The following VWA5A variants were observed in gnomAD, a reference collection of about 807,000 sequenced individuals.
VWA5A encodes the protein von Willebrand factor A domain containing 5A, also known as von Willebrand factor A domain-containing protein 5A.
In VWA5A, 77 loss-of-function variants were observed where a neutral mutation model predicts 84.6. The ratio of observed to expected loss-of-function variants is 0.91; its 90% CI spans 0.76 to 1.10. VWA5A has a LOEUF of 1.10. VWA5A is among the 50% of genes least tolerant of loss of function. The pLI, the probability that VWA5A is intolerant of heterozygous loss-of-function variation, is 0.00. For synonymous variants in VWA5A, 334 were observed against 350.1 expected (o/e 0.95, Z 0.51); for missense variants, 973 against 963.0 (o/e 1.01, Z -0.14).
chr11:124,118,727 C>T lies in VWA5A; in HGVS notation c.645+19C>T, dbSNP rs1864883111. ...TGCTCAGGTAGTTAATGAGAGAATA[C>T]TGCTATTGTCAGTACCTCTGTTGCT... On this transcript the variant is annotated intron_variant, in intron 6 of 18. Transcript: ENST00000456829. 6.2e-7 allele frequency: 1 copy of T among 1,605,764 alleles called. No homozygotes were observed. The highest frequency in any genetic ancestry group is 8.5e-7 in the Non-Finnish European group (1 of 1,175,398).
At chr11:124,129,226 T>C (rs1865062444) in intron 11 of VWA5A, among the ~76,000 whole-genome samples, 1 of 152,230 alleles carries the variant, frequency 6.6e-6, no homozygotes, top group Non-Finnish European at 1.5e-5. Context: ...TTTCTGCATC[T>C]GTTGAGACAA....
At chr11:124,135,073 A>G in intron 12 of VWA5A, 39 bp downstream of exon 12, 1 of 1,565,470 alleles carries the variant, frequency 6.4e-7, no homozygotes, top group Non-Finnish European at 8.7e-7. Context: ...GGAGGTGGCA[A>G]TCCAGACCAA....
chr11:124,129,529 GT>G (rs1865066993), intron 11 of VWA5A, among the ~76,000 whole-genome samples: 1 of 152,030 alleles, frequency 6.6e-6, no homozygotes, highest in Non-Finnish European at 1.5e-5. Flanking sequence ...TTTTTCTTTT[GT>G]TTGGAATAGT....
chr11:124,134,862 AT>A (rs552264067), intron 11 of VWA5A, 57 bp from the exon 12 acceptor site: 1,314 of 1,366,562 alleles, frequency 9.6e-4, no homozygotes, highest in Non-Finnish European at 1.2e-3. Flanking sequence ...TTATGTATTA[AT>A]TTTATATTTT....
rs1452649511 is a variant in VWA5A at position 124,124,303 on chromosome 11, A to G, written c.1231A>G (p.Arg411Gly). 2 of 1,614,106 alleles carry G rather than the reference A, an allele frequency of 1.2e-6. No homozygotes were observed. Among genetic ancestry groups the G allele is most frequent in the Admixed American group, 1.7e-5 (1 of 60,016 alleles). Residue 411 changes from arginine (R) to glycine (G), a missense_variant, in exon 11 of 19, where the codon AGA becomes GGA. Physicochemically the swap from Arg to Gly is moderately radical, Grantham distance 125 (BLOSUM62 -2). Transcript: ENST00000456829. ...FSVIKEVRINRQKHRCFSFGI... is the reference protein window; with the variant it reads ...FSVIKEVRINGQKHRCFSFGI... ...TGTAATTAAAGAAGTTAGGATCAAC[A>G]GACAGAAACACAGGTAGGAAGAAAA...
At chr11:124,143,875 C>A (rs1295807714) in intron 17 of VWA5A, among the ~76,000 whole-genome samples, 1 of 151,750 alleles carries the variant, frequency 6.6e-6, no homozygotes, top group Non-Finnish European at 1.5e-5. Context: ...ATCAAGTGAA[C>A]CAACAGACCT....
rs1330823404 is a variant in VWA5A at position 124,119,035 on chromosome 11, G to A, written c.706G>A (p.Glu236Lys). 3 of 1,614,210 alleles carry A rather than the reference G, an allele frequency of 1.9e-6. No individual in the cohort carries two copies. Among genetic ancestry groups the A allele is most frequent in the East Asian group, 2.2e-5 (1 of 44,878 alleles). ...RDVELLIYYN[E>K]VHTPSVVLEM... is the part of the protein sequence containing the mutation. Reference sequence around the variant, plus strand: ...CGTGGAACTCCTGATTTACTACAATGAGGTGCATACCCCCAGCGTGGTTTT... The same window carrying A: ...CGTGGAACTCCTGATTTACTACAATAAGGTGCATACCCCCAGCGTGGTTTT... Residue 236 changes from glutamate to lysine, a missense_variant, in exon 7 of 19, where the codon GAG (glutamate) becomes AAG (lysine). Transcript: ENST00000456829.
At chr11:124,122,846 T>G in intron 7 of VWA5A, 114 bp from the exon 8 acceptor site, 2 of 1,013,068 alleles carry the variant, frequency 2.0e-6, no homozygotes, top group Admixed American at 4.7e-5. Context: ...ATCATCACAG[T>G]GTTTTAGATT....
chr11:124,142,844 C>T (rs1860756646), intron 17 of VWA5A, among the ~76,000 whole-genome samples: 5 of 152,104 alleles, frequency 3.3e-5, no homozygotes. Context: ...AATCGTATTC[C>T]CTGCCAATCA....
At chr11:124,122,517 G>C (rs1236728497) in intron 7 of VWA5A, among the ~76,000 whole-genome samples, 1 of 152,184 alleles carries the variant, frequency 6.6e-6, no homozygotes, top group African/African-American at 2.4e-5. Context: ...GTCCATGTGA[G>C]TATCACTTTT....
intron 7 of VWA5A, among the ~76,000 whole-genome samples, chr11:124,121,770 A>T (rs1864935793): frequency 6.6e-6 from 1 of 152,222 alleles, no homozygotes; most frequent in South Asian, 2.1e-4. Flanking sequence ...ATCCACATAT[A>T]ACGCTTACAA....
At chr11:124,133,573 G>A (rs1206355163) in intron 11 of VWA5A, among the ~76,000 whole-genome samples, 1 of 152,104 alleles carries the variant, frequency 6.6e-6, no homozygotes, top group Non-Finnish European at 1.5e-5. Context: ...ACAATTTACA[G>A]TGGCATTGCT....
intron 11 of VWA5A, among the ~76,000 whole-genome samples, chr11:124,134,306 A>G (rs1040442789): frequency 2.0e-5 from 3 of 152,254 alleles, no homozygotes; most frequent in Admixed American, 6.5e-5. Flanking sequence ...TTAATTTACA[A>G]TGAAAACTCT....
rs541749735 is a variant in VWA5A at position 124,116,689 on chromosome 11, T to C, written c.-16+9T>C. Reference sequence around the variant, plus strand: ...TGCGTTGCTGTCGAATTGTGAGTCATTTTGCCACACTCAGTTTTTATCCAA... The same window carrying C: ...TGCGTTGCTGTCGAATTGTGAGTCACTTTGCCACACTCAGTTTTTATCCAA... On this transcript the variant is annotated intron_variant, in intron 2 of 18. Coordinates refer to ENST00000456829, the MANE Select transcript of VWA5A (RefSeq NM_001130142.2). The C allele has an allele frequency of 2.6e-5, 4 of 152,358 alleles. No individual in the cohort carries two copies. Among genetic ancestry groups the C allele is most frequent in the East Asian group, 1.9e-4 (1 of 5,188 alleles). 9.4% of individuals were successfully genotyped at this position (152,358 alleles called of 1,614,324 possible).
intron 16 of VWA5A, among the ~76,000 whole-genome samples, chr11:124,141,950 T>C (rs1860738311): frequency 6.6e-6 from 1 of 152,198 alleles, no homozygotes; most frequent in African/African-American, 2.4e-5. Context: ...GGTTCACCCC[T>C]GCAATCTATA....
intron 14 of VWA5A, 43 bp from the exon 15 acceptor site, chr11:124,136,972 T>A: frequency 6.3e-7 from 1 of 1,591,694 alleles, no homozygotes; most frequent in Non-Finnish European, 8.5e-7. Flanking sequence ...GGTATATGGA[T>A]GTCTTTCCCT....
chr11:124,123,837 A>G, intron 10 of VWA5A, 33 bp downstream of exon 10: 3 of 1,530,372 alleles, frequency 2.0e-6, no homozygotes, highest in Non-Finnish European at 2.6e-6. Flanking sequence ...CAGAAGAGAC[A>G]GGAAGTGTGA....
At chr11:124,123,915 T>G (rs1159781110) in intron 10 of VWA5A, 111 bp downstream of exon 10, 1 of 1,379,862 alleles carries the variant, frequency 7.2e-7, no homozygotes, top group African/African-American at 1.5e-5. Context: ...ATTCACAGTC[T>G]TCTATCATAT....
chr11:124,140,539 C>T (rs779285404), intron 15 of VWA5A, among the ~76,000 whole-genome samples: 3 of 152,094 alleles, frequency 2.0e-5, no homozygotes, highest in Non-Finnish European at 2.9e-5. Context: ...TTGTAGTTCA[C>T]TGCAGCCTCG....
Sources: gnomAD v4.1 joint callset for allele counts (sites outside exome capture counted in the v4.1 genomes callset) on GRCh38, gnomAD v4.1.1 for gene constraint, MANE v1.5 for transcripts, NCBI Gene and HGNC (gene_info 2026-07-23, HGNC 2026-07-21) for gene names.